LRFN1: variants seen among roughly 807,000 people sequenced by gnomAD.
LRFN1 encodes leucine-rich repeat and fibronectin type III domain-containing protein 1.
LRFN1 carries 20 observed loss-of-function variants against 31.8 expected under a neutral mutation model. The ratio of observed to expected loss-of-function variants is 0.63; its 90% CI spans 0.44 to 0.91. The LOEUF is 0.91. LRFN1 is among the 40% of genes least tolerant of loss of function. The probability of loss-of-function intolerance (pLI) is 0.00; values close to 1 mark genes in which losing one functional copy is unlikely to be tolerated. For synonymous variants in LRFN1, 514 were observed against 541.3 expected (o/e 0.95, Z 0.70); for missense variants, 912 against 1,129.8 (o/e 0.81, Z 2.76).
In LRFN1 at chr19:39,307,177, G is replaced by A. The variant is rs2075131609; in HGVS notation, c.*456C>T. On this transcript the variant is annotated 3_prime_UTR_variant, in exon 5 of 5. Coordinates refer to ENST00000248668, the MANE Select transcript of LRFN1 (RefSeq NM_020862.2). This position sits in a 1 kb window ranked among gnomAD's most constrained non-coding sequence, Gnocchi z 6.7. ...GGACCAGGAATGTGCGTGGGGTGGG[G>A]TGGGAGGCTTTGGAGGCCGCCGCGG... 1 of 397,146 alleles carries A rather than the reference G, an allele frequency of 2.5e-6. No individual in the cohort carries two copies. The highest frequency in any genetic ancestry group is 2.1e-5 in the African/African-American group (1 of 48,704). The allele number at this position is 397,146 out of a possible 1,614,324, so 24.6% of individuals were successfully genotyped here.
At chr19:39,310,645 G>C (rs1434033155) in intron 4 of LRFN1, among the ~76,000 whole-genome samples, 1 of 152,128 alleles carries the variant, frequency 6.6e-6, no homozygotes, top group Non-Finnish European at 1.5e-5. Context: ...CTCCAGCAAA[G>C]ACTCTTGGTG....
At chr19:39,309,478 CAAAAAAAAAAAAAAAAA>C (rs71169583) in intron 4 of LRFN1, among the ~76,000 whole-genome samples, 2 of 32,000 alleles carry the variant, frequency 6.3e-5, no homozygotes, top group East Asian at 1.1e-3. Context: ...ACAAACAAAC[CAAAAAAAAAAAAAAAAA>C]AAAAAAAAAA....
At chr19:39,311,349 G>T (rs945153248) in intron 4 of LRFN1, among the ~76,000 whole-genome samples, 1 of 151,974 alleles carries the variant, frequency 6.6e-6, no homozygotes, top group African/African-American at 2.4e-5. Flanking sequence ...GGGGACAGGG[G>T]GCCATCAACA....
intron 4 of LRFN1, among the ~76,000 whole-genome samples, chr19:39,309,505 A>AAAAAAAAAC (rs2075143722): frequency 6.7e-6 from 1 of 149,884 alleles, no homozygotes; most frequent in African/African-American, 2.5e-5. Flanking sequence ...AAAAAAAAAA[A>AAAAAAAAAC]AACCATCTAG....
rs2075134551 is a variant in LRFN1, at chr19:39,307,790, G to T, written c.2159C>A (p.Pro720Gln). ...YGALFQSHSY[P>Q]RRARRTKRHR... Reference sequence around the variant, plus strand: ...GCGCTTTGTCCGCCGGGCGCGGCGCGGGTAACTGTGGCTCTGGAATAGTGC... The same window carrying T: ...GCGCTTTGTCCGCCGGGCGCGGCGCTGGTAACTGTGGCTCTGGAATAGTGC... Residue 720 changes from proline to glutamine, a missense_variant, in exon 5 of 5, where the codon CCG becomes CAG. By Grantham distance (76) the Pro-to-Gln change is moderately conservative. This residue lies in a region of LRFN1 where 511 missense variants were observed against 557.0 expected (regional missense o/e 0.92). Transcript: ENST00000248668. The surrounding 1 kb of genome is among the most constrained non-coding windows in gnomAD (Gnocchi z 6.7). 2 of 1,486,290 alleles carry T rather than the reference G, an allele frequency of 1.3e-6. No homozygotes were observed. The highest frequency in any genetic ancestry group is 1.5e-5 in the African/African-American group (1 of 68,432). The allele number at this position is 1,486,290 out of a possible 1,614,324, so 92.1% of individuals were successfully genotyped here. A position where few individuals can be genotyped will look rare whatever the true frequency, so the allele number is the denominator to read the frequency against.
chr19:39,307,673 G>A lies in LRFN1; in HGVS notation c.2276C>T (p.Ala759Val). ...CAGCATCCACTCGGTGCTGGTGAAAGCCAGGCACGCCCTGGCGGAGCCCAG... is the reference window on the plus strand; with the variant it reads ...CAGCATCCACTCGGTGCTGGTGAAAACCAGGCACGCCCTGGCGGAGCCCAG... The part of the protein sequence containing the change: ...LGLGSARACL[A>V]FTSTEWMLES... Residue 759 changes from alanine (A) to valine (V), a missense_variant, in exon 5 of 5, where the codon GCT becomes GTT. By Grantham distance (64) the Ala-to-Val change is moderately conservative (BLOSUM62 0). Around this residue, in one of 2 missense-constraint regions of LRFN1, gnomAD observed 511 missense variants for 557.0 expected, o/e 0.92. Coordinates refer to ENST00000248668, the MANE Select transcript of LRFN1 (RefSeq NM_020862.2). This position sits in a 1 kb window ranked among gnomAD's most constrained non-coding sequence, Gnocchi z 6.7. The A allele has an allele frequency of 6.7e-7, 1 of 1,496,238 alleles. No homozygotes were observed. The highest frequency in any genetic ancestry group is 8.8e-7 in the Non-Finnish European group (1 of 1,131,564). 92.7% of individuals were successfully genotyped at this position (1,496,238 alleles called of 1,614,324 possible).
Position 39,314,813 on chromosome 19 carries a change from T to G in LRFN1, c.524A>C (p.Glu175Ala). 1 of 1,612,986 alleles carries G rather than the reference T, an allele frequency of 6.2e-7. No homozygotes were observed. Among genetic ancestry groups the G allele is most frequent in the Non-Finnish European group, 8.5e-7 (1 of 1,179,490 alleles). Reference protein sequence around the residue: ...EDLDLSYNNLEALPWEAVGQM... With the variant: ...EDLDLSYNNLAALPWEAVGQM... ...GCCCACCGCCTCCCACGGCAGGGCCTCCAGGTTGTTGTAGGACAGATCCAG... is the reference window on the plus strand; with the variant it reads ...GCCCACCGCCTCCCACGGCAGGGCCGCCAGGTTGTTGTAGGACAGATCCAG... The change falls in exon 4 of 5, where the codon GAG becomes GCG. Residue 175 changes from glutamate (E) to alanine (A), a missense_variant. Physicochemically the swap from Glu to Ala is moderately radical, Grantham distance 107. Around this residue, in one of 2 missense-constraint regions of LRFN1, gnomAD observed 401 missense variants for 572.7 expected, o/e 0.70. Transcript: ENST00000248668.
At position 39,307,781 on chromosome 19, in the gene LRFN1, G is replaced by A; in HGVS notation, c.2168C>T (p.Ala723Val). 6.7e-7 allele frequency: 1 copy of A among 1,489,380 alleles called. No homozygotes were observed. 92.3% of individuals were successfully genotyped at this position (1,489,380 alleles called of 1,614,324 possible). The change falls in exon 5 of 5, where the codon GCC becomes GTC. Residue 723 changes from alanine to valine, a missense_variant. Around this residue, in one of 2 missense-constraint regions of LRFN1, gnomAD observed 511 missense variants for 557.0 expected, o/e 0.92. Coordinates refer to ENST00000248668, the MANE Select transcript of LRFN1 (RefSeq NM_020862.2). This position sits in a 1 kb window ranked among gnomAD's most constrained non-coding sequence, Gnocchi z 6.7. ...LFQSHSYPRR[A>V]RRTKRHRSTP... ...GGACCGGTGGCGCTTTGTCCGCCGGGCGCGGCGCGGGTAACTGTGGCTCTG... is the reference window on the plus strand; with the variant it reads ...GGACCGGTGGCGCTTTGTCCGCCGGACGCGGCGCGGGTAACTGTGGCTCTG...
chr19:39,308,454 C>T lies in LRFN1; in HGVS notation c.1495G>A (p.Asp499Asn), dbSNP rs1353262284. The T allele has an allele frequency of 1.2e-6, 2 of 1,609,278 alleles. No homozygotes were observed. The highest frequency in any genetic ancestry group is 4.5e-5 in the East Asian group (2 of 44,840). The change falls in exon 5 of 5, where the codon GAC becomes AAC. Residue 499 changes from aspartate (D) to asparagine (N), a missense_variant. Coordinates refer to ENST00000248668, the MANE Select transcript of LRFN1 (RefSeq NM_020862.2). This position sits in a 1 kb window ranked among gnomAD's most constrained non-coding sequence, Gnocchi z 6.2. The stretch of plus-strand genomic sequence containing the variant: ...GTTGCCGGCAGCGCTGTGGCCCCGT[C>T]GTCGTAGACCGCCAGCACGCACAAG... ...YDLCVLAVYD[D>N]GATALPATRV... is the part of the protein sequence containing the mutation.
intron 4 of LRFN1, among the ~76,000 whole-genome samples, chr19:39,312,522 G>A (rs2075154112): frequency 6.6e-6 from 1 of 152,162 alleles, no homozygotes; most frequent in Non-Finnish European, 1.5e-5. Flanking sequence ...ACCAAGATGG[G>A]CCAGGTGCAG....
In LRFN1 at chr19:39,308,066, G is replaced by T; in HGVS notation, c.1883C>A (p.Ala628Asp). ...CTCCGGCTCCGCGGATGCCGTCTCG[G>T]CCTCCATGGCCTTGGCCTCGACGGC... ...AVAVEAKAMEAETASAEPEVV... is the reference protein window; with the variant it reads ...AVAVEAKAMEDETASAEPEVV... The change falls in exon 5 of 5, where the codon GCC (alanine) becomes GAC (aspartate). Residue 628 changes from alanine to aspartate, a missense_variant. This residue lies in a region of LRFN1 where 511 missense variants were observed against 557.0 expected (regional missense o/e 0.92). Coordinates refer to ENST00000248668, the MANE Select transcript of LRFN1 (RefSeq NM_020862.2). The surrounding 1 kb of genome is among the most constrained non-coding windows in gnomAD (Gnocchi z 6.2). The T allele has an allele frequency of 6.6e-7, 1 of 1,510,802 alleles. No individual in the cohort carries two copies. Among genetic ancestry groups the T allele is most frequent in the Admixed American group, 2.2e-5 (1 of 46,424 alleles). 93.6% of individuals were successfully genotyped at this position (1,510,802 alleles called of 1,614,324 possible). A position where few individuals can be genotyped will look rare whatever the true frequency, so the allele number is the denominator to read the frequency against.
At chr19:39,312,112 C>T (rs1251037020) in intron 4 of LRFN1, among the ~76,000 whole-genome samples, 1 of 152,010 alleles carries the variant, frequency 6.6e-6, no homozygotes, top group African/African-American at 2.4e-5. Flanking sequence ...TCAAGTGATC[C>T]GCCCGCCTCA....
rs1223966974 is a variant in LRFN1, at chr19:39,308,568, G to A, written c.1407-26C>T. On this transcript the variant is annotated intron_variant, in intron 4 of 4. Transcript: ENST00000248668. This position sits in a 1 kb window ranked among gnomAD's most constrained non-coding sequence, Gnocchi z 6.2. ...CTGTAGGAGGGGGCGGGTTCAGGGC[G>A]GGGTTAGTCCCCCCGAACCACGCCC... 1.3e-6 allele frequency: 2 copies of A among 1,553,182 alleles called. No homozygotes were observed. Among genetic ancestry groups the A allele is most frequent in the Non-Finnish European group, 1.7e-6 (2 of 1,154,540 alleles).
chr19:39,317,666 C>G (rs1475651664), intron 2 of LRFN1, among the ~76,000 whole-genome samples: 1 of 152,124 alleles, frequency 6.6e-6, no homozygotes, highest in Non-Finnish European at 1.5e-5. Context: ...GTGACTTCCC[C>G]TTTCTGTGCC....
chr19:39,307,665 T>C lies in LRFN1; in HGVS notation c.2284A>G (p.Ser762Gly). Reference sequence around the variant, plus strand: ...GTACTCTCCAGCATCCACTCGGTGCTGGTGAAAGCCAGGCACGCCCTGGCG... The same window carrying C: ...GTACTCTCCAGCATCCACTCGGTGCCGGTGAAAGCCAGGCACGCCCTGGCG... ...GSARACLAFT[S>G]TEWMLESTV Residue 762 changes from serine (S) to glycine (G), a missense_variant, in exon 5 of 5, where the codon AGC becomes GGC. Transcript: ENST00000248668. This position sits in a 1 kb window ranked among gnomAD's most constrained non-coding sequence, Gnocchi z 6.7. 1 of 1,492,676 alleles carries C rather than the reference T, an allele frequency of 6.7e-7. No individual in the cohort carries two copies. The highest frequency in any genetic ancestry group is 8.9e-7 in the Non-Finnish European group (1 of 1,129,868). The allele number at this position is 1,492,676 out of a possible 1,614,324, so 92.5% of individuals were successfully genotyped here.
rs747130303 is a variant in LRFN1 at position 39,308,368 on chromosome 19, C to T, written c.1581G>A (p.Leu527=). 36 of 1,611,796 alleles carry T rather than the reference C, an allele frequency of 2.2e-5. No homozygotes were observed. In the Middle Eastern group the frequency reaches 4.9e-4, roughly 22 times the overall value. ...TAGDPAPCRP[L]RAHFLGGTMI... ...TGGTGCCGCCCAAGAAATGGGCCCT[C>T]AGCGGGCGGCAGGGCGCCGGATCCC... The change falls in exon 5 of 5, where the codon CTG becomes CTA. Residue 527 remains leucine, a synonymous_variant. Coordinates refer to ENST00000248668, the MANE Select transcript of LRFN1 (RefSeq NM_020862.2). This position sits in a 1 kb window ranked among gnomAD's most constrained non-coding sequence, Gnocchi z 6.2.
rs372557671 is a variant in LRFN1 at position 39,308,292 on chromosome 19, C to A, written c.1657G>T (p.Val553Phe). The change falls in exon 5 of 5, where the codon GTT becomes TTT. Residue 553 changes from valine to phenylalanine, a missense_variant. Around this residue, in one of 2 missense-constraint regions of LRFN1, gnomAD observed 511 missense variants for 557.0 expected, o/e 0.92. Transcript: ENST00000248668. This position sits in a 1 kb window ranked among gnomAD's most constrained non-coding sequence, Gnocchi z 6.2. ...ACCTTATAGCGGATCATGAGCAGAA[C>A]GATGAAGACGAGGACCGAGGCGACG... Reference protein sequence around the residue: ...VIVASVLVFIVLLMIRYKVYG... With the variant: ...VIVASVLVFIFLLMIRYKVYG... The A allele has an allele frequency of 6.2e-7, 1 of 1,613,232 alleles. No individual in the cohort carries two copies. Among genetic ancestry groups the A allele is most frequent in the Non-Finnish European group, 8.5e-7 (1 of 1,179,670 alleles).
In LRFN1 at chr19:39,308,098, G is replaced by C. The variant is rs1432398032; in HGVS notation, c.1851C>G (p.Pro617=). The C allele has an allele frequency of 1.3e-6, 2 of 1,495,580 alleles. No individual in the cohort carries two copies. Among genetic ancestry groups the C allele is most frequent in the Non-Finnish European group, 1.8e-6 (2 of 1,128,298 alleles). The allele number at this position is 1,495,580 out of a possible 1,614,324, so 92.6% of individuals were successfully genotyped here. The part of the protein sequence containing the change: ...ALREVESQAA[P]AVAVEAKAME... ...TGGCCTTGGCCTCGACGGCGACGGC[G>C]GGGGCAGCCTGGGACTCCACCTCGC... The change falls in exon 5 of 5, where the codon CCC becomes CCG. Residue 617 remains proline (P), a synonymous_variant. Transcript: ENST00000248668. The surrounding 1 kb of genome is among the most constrained non-coding windows in gnomAD (Gnocchi z 6.2).
intron 4 of LRFN1, among the ~76,000 whole-genome samples, chr19:39,311,580 T>C (rs559847135): frequency 6.6e-6 from 1 of 152,358 alleles, no homozygotes; most frequent in East Asian, 1.9e-4. Context: ...CTGTGTGACC[T>C]TGGGCAAGTG....
Sources: allele counts gnomAD v4.1 joint callset (sites outside exome capture counted in the v4.1 genomes callset), GRCh38; gene constraint gnomAD v4.1.1; regional missense constraint gnomAD v4.1.1; non-coding constraint Gnocchi (gnomAD v3.1); transcripts MANE v1.5; gene names NCBI Gene and HGNC (gene_info 2026-07-23, HGNC 2026-07-21).